Variants in NCAPG observed in about 807,000 individuals in gnomAD.
NCAPG encodes the protein condensin complex subunit 3.
Under a neutral mutation model 113.1 loss-of-function variants are expected in NCAPG, and 69 were observed. The ratio of observed to expected loss-of-function variants is 0.61; its 90% CI spans 0.50 to 0.75. The LOEUF (loss-of-function observed/expected upper bound fraction) is 0.75. Among genes scored for constraint, NCAPG ranks in the 30% least tolerant of loss-of-function variants. The pLI is 0.00. For missense variants in NCAPG, 1,058 were observed against 1,177.0 expected, an observed-to-expected ratio of 0.90 and a Z score of 1.48; for synonymous variants, 370 against 415.8, an observed-to-expected ratio of 0.89 and a Z score of 1.34.
intron 5 of NCAPG, among the ~76,000 whole-genome samples, chr4:17,815,679 C>T (rs1721174602): frequency 6.6e-6 from 1 of 152,118 alleles, no homozygotes; most frequent in African/African-American, 2.4e-5. Context: ...TGAACATCAC[C>T]ATGTCTGGTT....
At chr4:17,815,712 C>CG (rs1394658325) in intron 5 of NCAPG, among the ~76,000 whole-genome samples, 6 of 152,056 alleles carry the variant, frequency 3.9e-5, no homozygotes, top group Admixed American at 1.3e-4. Flanking sequence ...TTTATAGAGA[C>CG]GGGGTTTCAC....
intron 7 of NCAPG, among the ~76,000 whole-genome samples, chr4:17,819,449 T>G (rs1721355751): frequency 1.3e-5 from 2 of 152,062 alleles, no homozygotes; most frequent in African/African-American, 2.4e-5. Context: ...GTCGCCAGGC[T>G]GGAGTGCAAT....
At chr4:17,842,448 C>A in intron 20 of NCAPG, 69 bp downstream of exon 20, 1 of 1,289,234 alleles carries the variant, frequency 7.8e-7, no homozygotes, top group Non-Finnish European at 1.1e-6. Context: ...TAGAAAAAAA[C>A]TAATTTTCTT....
chr4:17,815,784 A>G (rs1721181019), intron 5 of NCAPG, among the ~76,000 whole-genome samples: 1 of 152,192 alleles, frequency 6.6e-6, no homozygotes, highest in Non-Finnish European at 1.5e-5. Flanking sequence ...TCAGCCTCCC[A>G]AAGTGTTGGG....
At chr4:17,821,819 C>A (rs1195471004) in intron 7 of NCAPG, among the ~76,000 whole-genome samples, 1 of 152,016 alleles carries the variant, frequency 6.6e-6, no homozygotes, top group African/African-American at 2.4e-5. Flanking sequence ...TTTCATGTTA[C>A]TTCCATCTTA....
chr4:17,811,134 G>A lies in NCAPG; in HGVS notation c.57G>A (p.Gln19=). 1 of 1,521,140 alleles carries A rather than the reference G, an allele frequency of 6.6e-7. No individual in the cohort carries two copies. Among genetic ancestry groups the A allele is most frequent in the Non-Finnish European group, 8.8e-7 (1 of 1,134,280 alleles). The allele number at this position is 1,521,140 out of a possible 1,614,324, so 94.2% of individuals were successfully genotyped here. ...AGGAGGCCTTTCGGCTGGCGCAGCA[G>A]CCGCACCAGAACCAGGCGAAGCTGG... ...SIKEAFRLAQ[Q]PHQNQAKLVV... Residue 19 remains glutamine (Q), a synonymous_variant, in exon 1 of 21, where the codon CAG becomes CAA. Coordinates refer to ENST00000251496, the MANE Select transcript of NCAPG (RefSeq NM_022346.5). This position sits in a 1 kb window ranked among gnomAD's most constrained non-coding sequence, Gnocchi z 5.3.
intron 12 of NCAPG, among the ~76,000 whole-genome samples, chr4:17,828,735 C>T (rs886449457): frequency 6.6e-6 from 1 of 151,944 alleles, no homozygotes; most frequent in African/African-American, 2.4e-5. Flanking sequence ...GAGACTGAGA[C>T]AATCACATTT....
At chr4:17,814,747 C>A in intron 3 of NCAPG, 106 bp from the exon 4 acceptor site, 1 of 1,280,914 alleles carries the variant, frequency 7.8e-7, no homozygotes, top group Non-Finnish European at 1.1e-6. Context: ...CCCAGCCTAT[C>A]TTTATCACAT....
intron 6 of NCAPG, 59 bp downstream of exon 6, chr4:17,817,512 T>A (rs2302211): frequency 0.13 from 180,434 of 1,386,564 alleles, 12,674 homozygotes; most frequent in South Asian, 0.23. Flanking sequence ...AATTAATTTG[T>A]TTTTTTTCCT....
At chr4:17,817,583 T>A in intron 6 of NCAPG, 130 bp downstream of exon 6, 1 of 741,024 alleles carries the variant, frequency 1.3e-6, no homozygotes, top group Non-Finnish European at 2.1e-6. Flanking sequence ...TTTCTTTTAG[T>A]CTGATGAATA....
At chr4:17,812,083 G>A (rs1487301086) in intron 1 of NCAPG, 138 bp from the exon 2 acceptor site, 2 of 677,646 alleles carry the variant, frequency 3.0e-6, no homozygotes. Context: ...GGCTGGTTTG[G>A]ATAATTAAGA....
chr4:17,828,736 A>T (rs939378963), intron 12 of NCAPG, among the ~76,000 whole-genome samples: 1 of 152,126 alleles, frequency 6.6e-6, no homozygotes, highest in Non-Finnish European at 1.5e-5. Context: ...AGACTGAGAC[A>T]ATCACATTTT....
intron 5 of NCAPG, among the ~76,000 whole-genome samples, chr4:17,816,470 T>C (rs148201868): frequency 3.0e-4 from 46 of 152,302 alleles, no homozygotes; most frequent in Admixed American, 6.5e-4. Flanking sequence ...TTTTTAACTC[T>C]CATGAGAAGG....
At chr4:17,841,882 GA>G (rs1007905632) in intron 19 of NCAPG, 39 of 151,168 alleles carry the variant, frequency 2.6e-4, no homozygotes, top group South Asian at 6.0e-4. Context: ...CACCTTCCAA[GA>G]AAAAAAAAAG....
At chr4:17,840,460 A>G (rs1032113812) in intron 18 of NCAPG, 147 bp from the exon 19 acceptor site, 37 of 595,832 alleles carry the variant, frequency 6.2e-5, no homozygotes, top group Non-Finnish European at 8.5e-5. Flanking sequence ...CCAATATTCA[A>G]ATTTTCGAAA....
At position 17,837,722 on chromosome 4, in the gene NCAPG, C is replaced by T; in HGVS notation, c.2387C>T (p.Thr796Ile). ...TCTCCTTTAGCTGAAATTGATATCA[C>T]AAATGTTGCTGAGTTACTTGTAGAT... ...ASSPLAEIDITNVAELLVDLT... is the reference protein window; with the variant it reads ...ASSPLAEIDIINVAELLVDLT... Residue 796 changes from threonine (T) to isoleucine (I), a missense_variant, in exon 16 of 21, where the codon ACA (threonine) becomes ATA (isoleucine). By Grantham distance (89) the Thr-to-Ile change is moderately conservative (BLOSUM62 -1). Transcript: ENST00000251496. The T allele has an allele frequency of 6.2e-7, 1 of 1,613,996 alleles. No homozygotes were observed. The highest frequency in any genetic ancestry group is 8.5e-7 in the Non-Finnish European group (1 of 1,179,918).
rs1157076624 is a variant in NCAPG at position 17,817,382 on chromosome 4, T to C, written c.897T>C (p.Ser299=). Residue 299 remains serine (S), a synonymous_variant, in exon 6 of 21, where the codon TCT becomes TCC. Transcript: ENST00000251496. The part of the protein sequence containing the change: ...DVENSSEVAV[S]VLNALFSITP... ...AAAATTCTTCTGAAGTGGCAGTCTC[T>C]GTTCTCAATGCCTTGTTTTCAATAA... 2 of 1,614,024 alleles carry C rather than the reference T, an allele frequency of 1.2e-6. No individual in the cohort carries two copies. The highest frequency in any genetic ancestry group is 1.7e-6 in the Non-Finnish European group (2 of 1,180,006).
chr4:17,822,299 T>C lies in NCAPG; in HGVS notation c.1119-684T>C, dbSNP rs1197557047. On this transcript the variant is annotated intron_variant, in intron 7 of 20. Coordinates refer to ENST00000251496, the MANE Select transcript of NCAPG (RefSeq NM_022346.5). Reference sequence around the variant, plus strand: ...ACCCCTGCCTCCTGGATTCAAGCAATTCTTCTGCCTCAGCCTCCTGAGTAG... The same window carrying C: ...ACCCCTGCCTCCTGGATTCAAGCAACTCTTCTGCCTCAGCCTCCTGAGTAG... Among the ~76,000 whole-genome samples, 4 of 149,626 alleles carry C rather than the reference T, an allele frequency of 2.7e-5. No individual in the cohort carries two copies. The Admixed American group carries it at 2.7e-4, about 10-fold the overall frequency.
At position 17,839,879 on chromosome 4, in the gene NCAPG, A is replaced by T. The variant is rs775844821; in HGVS notation, c.2628+42A>T. On this transcript the variant is annotated intron_variant, in intron 17 of 20. Coordinates refer to ENST00000251496, the MANE Select transcript of NCAPG (RefSeq NM_022346.5). The stretch of plus-strand genomic sequence containing the variant: ...TTACTCTAAATTAGTTTGTGTTTAT[A>T]TTTATACATGTAGAATTTACATGGT... 3.9e-6 allele frequency: 6 copies of T among 1,538,560 alleles called. No homozygotes were observed. In the East Asian group the frequency reaches 1.2e-4, roughly 30 times the overall value.
Sources: allele counts gnomAD v4.1 joint callset (sites outside exome capture counted in the v4.1 genomes callset), GRCh38; gene constraint gnomAD v4.1.1; non-coding constraint Gnocchi (gnomAD v3.1); transcripts MANE v1.5; gene names NCBI Gene and HGNC (gene_info 2026-07-23, HGNC 2026-07-21).